ACER3: variants seen among roughly 807,000 people sequenced by gnomAD.
ACER3 encodes alkCDase 3.
Under a neutral mutation model 48.9 loss-of-function variants are expected in ACER3, and 16 were observed. The ratio of observed to expected loss-of-function variants is 0.33; its 90% CI spans 0.22 to 0.50. ACER3 has a LOEUF of 0.50. ACER3 is among the 20% of genes least tolerant of loss of function. The probability of loss-of-function intolerance (pLI) is 0.98; values close to 1 mark genes in which losing one functional copy is unlikely to be tolerated. For missense variants in ACER3, 227 were observed against 326.0 expected (o/e 0.70, Z 2.34); for synonymous variants, 109 against 107.8 (o/e 1.01, Z -0.07).
intron 2 of ACER3, among the ~76,000 whole-genome samples, chr11:76,950,407 ATAT>A (rs1947629156): frequency 3.5e-5 from 1 of 28,510 alleles, no homozygotes; most frequent in African/African-American, 8.7e-5. Flanking sequence ...ATATATATAT[ATAT>A]AATTTACACA....
chr11:76,927,055 C>G (rs1946848577), intron 2 of ACER3, among the ~76,000 whole-genome samples: 1 of 152,130 alleles, frequency 6.6e-6, no homozygotes, highest in African/African-American at 2.4e-5. Flanking sequence ...GCCTCCCAGC[C>G]CATCCCCTAA....
intron 1 of ACER3, among the ~76,000 whole-genome samples, chr11:76,924,973 CAAA>C (rs57093609): frequency 1.3e-5 from 1 of 78,568 alleles, no homozygotes; most frequent in Non-Finnish European, 2.7e-5. Flanking sequence ...AAGACTCTGT[CAAA>C]AAAAAAAAAA....
intron 3 of ACER3, among the ~76,000 whole-genome samples, chr11:76,969,110 A>T (rs895852601): frequency 1.2e-4 from 18 of 152,166 alleles, no homozygotes; most frequent in African/African-American, 4.3e-4. Context: ...AAAAACAAAC[A>T]ACTCCATCAA....
At chr11:76,951,488 G>A (rs960366964) in intron 2 of ACER3, among the ~76,000 whole-genome samples, 3 of 152,280 alleles carry the variant, frequency 2.0e-5, no homozygotes, top group Non-Finnish European at 2.9e-5. Flanking sequence ...ATTGACTAGA[G>A]AGAAAGTGAC....
chr11:76,894,377 G>A (rs185863783), intron 1 of ACER3, among the ~76,000 whole-genome samples: 1 of 152,268 alleles, frequency 6.6e-6, no homozygotes, highest in African/African-American at 2.4e-5. Context: ...AGGATTCAAT[G>A]GTATTACCTT....
At chr11:76,885,309 T>C (rs1360137622) in intron 1 of ACER3, among the ~76,000 whole-genome samples, 1 of 151,928 alleles carries the variant, frequency 6.6e-6, no homozygotes, top group African/African-American at 2.4e-5. Context: ...TTACTGTAAG[T>C]TCTGGGATAC....
chr11:76,947,499 G>T (rs1947507789), intron 2 of ACER3, among the ~76,000 whole-genome samples: 1 of 152,138 alleles, frequency 6.6e-6, no homozygotes, highest in Admixed American at 6.5e-5. Flanking sequence ...AAATTGAGTG[G>T]ATGCTTTAGC....
rs573234128 is a variant in ACER3, at chr11:76,968,232, C to T, written c.268-8057C>T. Among the ~76,000 whole-genome samples, 12 of 150,416 alleles carry T rather than the reference C, an allele frequency of 8.0e-5. No homozygotes were observed. The East Asian group carries it at 2.1e-3, about 27-fold the overall frequency. ...ATAAAATACCTAGGAATCCAACTTA[C>T]AAGGGATGTGAAGGACGTCTTCAAG... On this transcript the variant is annotated intron_variant, in intron 3 of 10. Transcript: ENST00000532485.
intron 2 of ACER3, among the ~76,000 whole-genome samples, chr11:76,934,121 A>G (rs527789957): frequency 1.3e-4 from 20 of 150,494 alleles, no homozygotes; most frequent in African/African-American, 4.9e-4. Context: ...CTCACTTCCT[A>G]GATGGGAGGG....
At chr11:76,980,286 T>C (rs1333950148) in intron 4 of ACER3, among the ~76,000 whole-genome samples, 1 of 152,250 alleles carries the variant, frequency 6.6e-6, no homozygotes, top group Admixed American at 6.5e-5. Flanking sequence ...CTGATGTTTA[T>C]ATATCTTTAG....
At chr11:77,018,529 C>T (rs1333006564) in intron 9 of ACER3, among the ~76,000 whole-genome samples, 1 of 152,174 alleles carries the variant, frequency 6.6e-6, no homozygotes, top group African/African-American at 2.4e-5. Flanking sequence ...TAGTGAGGAA[C>T]GTATGTTGAA....
At chr11:76,960,254 C>T (rs1395150482) in intron 3 of ACER3, among the ~76,000 whole-genome samples, 1 of 151,882 alleles carries the variant, frequency 6.6e-6, no homozygotes, top group Admixed American at 6.5e-5. Flanking sequence ...ACTAAAAATA[C>T]AAAAATTAGC....
chr11:77,018,814 G>A (rs1244167125), intron 9 of ACER3, among the ~76,000 whole-genome samples: 1 of 152,250 alleles, frequency 6.6e-6, no homozygotes, highest in Non-Finnish European at 1.5e-5. Flanking sequence ...GGAAGCTGCA[G>A]AAGAAAAGTT....
chr11:76,994,364 A>G, intron 6 of ACER3: 1 of 354,404 alleles, frequency 2.8e-6, no homozygotes, highest in Non-Finnish European at 5.5e-6. Flanking sequence ...TCCTGGCCTC[A>G]AGTGATCTGC....
intron 2 of ACER3, among the ~76,000 whole-genome samples, chr11:76,954,873 T>A (rs7929837): frequency 0.68 from 103,208 of 151,980 alleles, 35,449 homozygotes; most frequent in Non-Finnish European, 0.74. Context: ...AAGTCCTGGG[T>A]TTACAGGTGT....
intron 9 of ACER3, among the ~76,000 whole-genome samples, chr11:77,018,132 C>G (rs1380447147): frequency 6.6e-6 from 1 of 151,840 alleles, no homozygotes; most frequent in Non-Finnish European, 1.5e-5. Context: ...TAGAGACAGG[C>G]TTTCACCATG....
At chr11:77,005,987 A>ATTT (rs782564228) in intron 7 of ACER3, among the ~76,000 whole-genome samples, 2 of 91,192 alleles carry the variant, frequency 2.2e-5, no homozygotes, top group African/African-American at 9.0e-5. Flanking sequence ...ATATATATAT[A>ATTT]TATATTTTTT....
At chr11:76,946,079 G>A (rs368948152) in intron 2 of ACER3, among the ~76,000 whole-genome samples, 17 of 152,206 alleles carry the variant, frequency 1.1e-4, no homozygotes, top group African/African-American at 2.4e-4. Flanking sequence ...TCTCAGGTGC[G>A]TAGCATGGGC....
chr11:76,982,648 C>T (rs948997382), intron 4 of ACER3, among the ~76,000 whole-genome samples: 8 of 151,986 alleles, frequency 5.3e-5, no homozygotes, highest in Middle Eastern at 6.3e-3. Flanking sequence ...TTTAATGTCT[C>T]TTGAAGAACA....
Sources: gnomAD v4.1 joint callset for allele counts (sites outside exome capture counted in the v4.1 genomes callset) on GRCh38, gnomAD v4.1.1 for gene constraint, MANE v1.5 for transcripts, NCBI Gene and HGNC (gene_info 2026-07-23, HGNC 2026-07-21) for gene names.